Variants in MBOAT7 observed in about 807,000 individuals in gnomAD.
MBOAT7 encodes the protein membrane-bound acylglycerophosphatidylinositol O-acyltransferase MBOAT7.
In MBOAT7, 40 loss-of-function variants were observed where a neutral mutation model predicts 47.4. The ratio of observed to expected loss-of-function variants is 0.84; its 90% CI spans 0.66 to 1.10. MBOAT7 has a LOEUF of 1.10. Among genes scored for constraint, MBOAT7 ranks in the 50% least tolerant of loss-of-function variants. The pLI is 0.00. For synonymous variants in MBOAT7, 361 were observed against 292.0 expected, an observed-to-expected ratio of 1.24 and a Z score of -2.41; for missense variants, 680 against 655.6, an observed-to-expected ratio of 1.04 and a Z score of -0.41.
chr19:54,186,408 C>G (rs1027364355), intron 4 of MBOAT7, among the ~76,000 whole-genome samples: 1 of 152,210 alleles, frequency 6.6e-6, no homozygotes, highest in Non-Finnish European at 1.5e-5. Context: ...CAATCCTCCA[C>G]GGGAAGAAGT....
In MBOAT7 at chr19:54,180,870, C is replaced by G. The variant is rs868498080; in HGVS notation, c.757G>C (p.Glu253Gln). 5 of 1,589,916 alleles carry G rather than the reference C, an allele frequency of 3.1e-6. No homozygotes were observed. Among genetic ancestry groups the G allele is most frequent in the Non-Finnish European group, 4.3e-6 (5 of 1,170,544 alleles). The stretch of plus-strand genomic sequence containing the variant: ...AAGCCGGCGGCAATGCAGCCGCACT[C>G]GGCGGCAATCCAGGCCACGTAGAAG... The part of the protein sequence containing the change: ...MRFYVAWIAA[E>Q]CGCIAAGFGA... The change falls in exon 6 of 8, where the codon GAG (glutamate) becomes CAG (glutamine). Residue 253 changes from glutamate to glutamine, a missense_variant. Physicochemically the swap from Glu to Gln is conservative, Grantham distance 29. Transcript: ENST00000245615. The surrounding 1 kb of genome is among the most constrained non-coding windows in gnomAD (Gnocchi z 5.2).
chr19:54,180,675 G>C lies in MBOAT7; in HGVS notation c.854+98C>G. ...CTCTGCTCAAAAAGGTGGTGGCCCT[G>C]GCCCCTTGCTCCCCGCTCTCCTCCC... On this transcript the variant is annotated intron_variant, in intron 6 of 7. Transcript: ENST00000245615. This position sits in a 1 kb window ranked among gnomAD's most constrained non-coding sequence, Gnocchi z 5.2. 8.5e-7 allele frequency: 1 copy of C among 1,177,968 alleles called. No individual in the cohort carries two copies. Among genetic ancestry groups the C allele is most frequent in the East Asian group, 2.6e-5 (1 of 38,012 alleles). The allele number at this position is 1,177,968 out of a possible 1,614,324, so 73.0% of individuals were successfully genotyped here. A position where few individuals can be genotyped will look rare whatever the true frequency, so the allele number is the denominator to read the frequency against.
intron 4 of MBOAT7, chr19:54,186,809 C>T: frequency 1.1e-5 from 3 of 274,562 alleles, no homozygotes; most frequent in Non-Finnish European, 2.1e-5. Context: ...CACCAAGTAC[C>T]TTCTCCCCAG....
intron 3 of MBOAT7, 100 bp from the exon 4 acceptor site, chr19:54,187,387 A>C: frequency 7.1e-7 from 1 of 1,407,332 alleles, no homozygotes; most frequent in Non-Finnish European, 9.5e-7. Context: ...AGCTCTCCCC[A>C]TTCGTTTAGA....
At position 54,174,210 on chromosome 19, in the gene MBOAT7, G is replaced by C; in HGVS notation, c.1253C>G (p.Ser418Cys). 1 of 1,599,202 alleles carries C rather than the reference G, an allele frequency of 6.3e-7. No individual in the cohort carries two copies. The highest frequency in any genetic ancestry group is 8.5e-7 in the Non-Finnish European group (1 of 1,170,818). ...CCAGTACCGAAGGGTGTCGGCCAAGGAGAGCAGCACGAAGCCCATGCACAT... is the reference window on the plus strand; with the variant it reads ...CCAGTACCGAAGGGTGTCGGCCAAGCAGAGCAGCACGAAGCCCATGCACAT... ...DYMCMGFVLL[S>C]LADTLRYWAS... Residue 418 changes from serine (S) to cysteine (C), a missense_variant, in exon 8 of 8, where the codon TCC (serine) becomes TGC (cysteine). Ser to Cys is a moderately radical substitution (Grantham distance 112). Coordinates refer to ENST00000245615, the MANE Select transcript of MBOAT7 (RefSeq NM_024298.5).
chr19:54,188,336 C>T lies in MBOAT7; in HGVS notation c.87G>A (p.Leu29=). Residue 29 remains leucine, a synonymous_variant, in exon 3 of 8, where the codon CTG becomes CTA. Transcript: ENST00000245615. ...GFLFKKAGPG[L]KRWGAAAVGL... ...CCACAGCGGCTGCTCCCCATCTCTTCAGCCCAGGACCTGCAGGGGGAAGGG... is the reference window on the plus strand; with the variant it reads ...CCACAGCGGCTGCTCCCCATCTCTTTAGCCCAGGACCTGCAGGGGGAAGGG... 1 of 1,613,842 alleles carries T rather than the reference C, an allele frequency of 6.2e-7. No individual in the cohort carries two copies. Among genetic ancestry groups the T allele is most frequent in the South Asian group, 1.1e-5 (1 of 91,042 alleles).
At chr19:54,184,161 CT>C (rs770373656) in intron 4 of MBOAT7, among the ~76,000 whole-genome samples, 18,632 of 103,736 alleles carry the variant, frequency 0.18, 1,139 homozygotes, top group African/African-American at 0.19. Context: ...ATCTCTCTCT[CT>C]TTTTTTTTTT....
chr19:54,174,010 C>T lies in MBOAT7; in HGVS notation c.*34G>A, dbSNP rs374689587. 3.0e-5 allele frequency: 46 copies of T among 1,536,774 alleles called. No individual in the cohort carries two copies. Among genetic ancestry groups the T allele is most frequent in the African/African-American group, 8.4e-5 (6 of 71,802 alleles). On this transcript the variant is annotated 3_prime_UTR_variant, in exon 8 of 8. Transcript: ENST00000245615. Reference sequence around the variant, plus strand: ...ACAGCAGCCTGGTTCACAGAATTCCCGGGACCAGCTGGCAGAGGGAGCGTC... The same window carrying T: ...ACAGCAGCCTGGTTCACAGAATTCCTGGGACCAGCTGGCAGAGGGAGCGTC...
At chr19:54,181,620 AGGGAGGGAG>A in intron 5 of MBOAT7, among the ~76,000 whole-genome samples, 1 of 29,204 alleles carries the variant, frequency 3.4e-5, no homozygotes, top group African/African-American at 1.4e-4. Context: ...CCAGCCAGGG[AGGGAGGGAG>A]GGAGGGAGGG....
At chr19:54,181,206 G>A in intron 5 of MBOAT7, 73 bp from the exon 6 acceptor site, 1 of 1,432,098 alleles carries the variant, frequency 7.0e-7, no homozygotes. Context: ...GAGGAGGACA[G>A]GGAGCTTGGA....
intron 4 of MBOAT7, chr19:54,186,902 G>T (rs2076442122): frequency 2.1e-6 from 1 of 486,532 alleles, no homozygotes; most frequent in Non-Finnish European, 3.6e-6. Flanking sequence ...TGGGCCTCTG[G>T]CACACCGCAA....
At chr19:54,186,318 A>G (rs1003240987) in intron 4 of MBOAT7, among the ~76,000 whole-genome samples, 1 of 152,184 alleles carries the variant, frequency 6.6e-6, no homozygotes, top group Non-Finnish European at 1.5e-5. Flanking sequence ...CCCAGCCAGA[A>G]CGAGTATTTT....
intron 7 of MBOAT7, among the ~76,000 whole-genome samples, chr19:54,177,709 T>C (rs991159378): frequency 1.3e-5 from 2 of 151,886 alleles, no homozygotes; most frequent in African/African-American, 2.4e-5. Flanking sequence ...CCCTAGTAGC[T>C]GGGATTATAG....
intron 7 of MBOAT7, among the ~76,000 whole-genome samples, chr19:54,177,619 GTCTC>G (rs1449724984): frequency 6.6e-6 from 1 of 150,596 alleles, no homozygotes; most frequent in African/African-American, 2.4e-5. Context: ...TTGAGACAAA[GTCTC>G]TCTCTGTTGC....
chr19:54,177,325 T>C (rs550122526), intron 7 of MBOAT7, among the ~76,000 whole-genome samples: 42 of 152,268 alleles, frequency 2.8e-4, no homozygotes, highest in African/African-American at 9.6e-4. Flanking sequence ...AGACAGAGTC[T>C]CGCTCTGTTG....
At chr19:54,177,530 T>C (rs1201218760) in intron 7 of MBOAT7, among the ~76,000 whole-genome samples, 1 of 152,048 alleles carries the variant, frequency 6.6e-6, no homozygotes, top group African/African-American at 2.4e-5. Flanking sequence ...CTCCTGACCT[T>C]GTGACCCACC....
intron 4 of MBOAT7, among the ~76,000 whole-genome samples, chr19:54,184,712 G>C (rs1398715786): frequency 6.6e-6 from 1 of 152,062 alleles, no homozygotes; most frequent in Non-Finnish European, 1.5e-5. Flanking sequence ...AGATCAGCCT[G>C]ACCAACATGG....
intron 7 of MBOAT7, among the ~76,000 whole-genome samples, chr19:54,177,157 T>TAATACTAATACTA (rs2076129597): frequency 6.9e-6 from 1 of 144,692 alleles, no homozygotes; most frequent in South Asian, 2.1e-4. Context: ...ATCAAAATAC[T>TAATACTAATACTA]AATACTAATA....
chr19:54,186,663 G>A (rs1482916128), intron 4 of MBOAT7, among the ~76,000 whole-genome samples: 1 of 152,156 alleles, frequency 6.6e-6, no homozygotes, highest in Non-Finnish European at 1.5e-5. Context: ...TACCTAGCAT[G>A]ACTGCTGTGT....
Sources: allele counts gnomAD v4.1 joint callset (sites outside exome capture counted in the v4.1 genomes callset), GRCh38; gene constraint gnomAD v4.1.1; non-coding constraint Gnocchi (gnomAD v3.1); transcripts MANE v1.5; gene names NCBI Gene and HGNC (gene_info 2026-07-23, HGNC 2026-07-21).